Variants in DOCK3 observed in about 807,000 individuals in gnomAD.
The protein encoded by DOCK3 is dedicator of cytokinesis 3.
In DOCK3, 60 loss-of-function variants were observed where a neutral mutation model predicts 265.6. The observed-to-expected ratio is 0.23, with a 90% CI of 0.18 to 0.28. The LOEUF is 0.28. Ranked by LOEUF, DOCK3 falls within the 10% of genes least tolerant of loss-of-function variation. The pLI, the probability that DOCK3 is intolerant of heterozygous loss-of-function variation, is 1.00. For synonymous variants in DOCK3, 881 were observed against 938.0 expected (o/e 0.94, Z 1.11); for missense variants, 1,981 against 2,594.3 (o/e 0.76, Z 5.14).
At chr3:50,880,400 AG>A (rs2047961870) in intron 3 of DOCK3, among the ~76,000 whole-genome samples, 1 of 152,230 alleles carries the variant, frequency 6.6e-6, no homozygotes, top group East Asian at 1.9e-4. Flanking sequence ...AAAGAAGAAA[AG>A]AGAGAAGAAT....
chr3:51,108,609 C>T (rs2083388694), intron 9 of DOCK3, among the ~76,000 whole-genome samples: 1 of 152,170 alleles, frequency 6.6e-6, no homozygotes, highest in South Asian at 2.1e-4. Context: ...GATAAAGAAG[C>T]AAGACCCAGT....
chr3:51,260,612 A>G (rs2079800597), intron 23 of DOCK3, among the ~76,000 whole-genome samples: 2 of 152,124 alleles, frequency 1.3e-5, no homozygotes, highest in Admixed American at 1.3e-4. Context: ...CTACCATACT[A>G]CTTAGTTTTT....
chr3:50,995,143 C>A (rs2078233644), intron 5 of DOCK3, among the ~76,000 whole-genome samples: 1 of 152,158 alleles, frequency 6.6e-6, no homozygotes, highest in Non-Finnish European at 1.5e-5. Flanking sequence ...ACTACTGTTA[C>A]TTTCCCATGT....
intron 32 of DOCK3, among the ~76,000 whole-genome samples, chr3:51,316,990 T>G (rs2083404105): frequency 1.3e-5 from 2 of 152,164 alleles, no homozygotes; most frequent in South Asian, 4.1e-4. Flanking sequence ...GTTTTTCTTT[T>G]ATAGATCATG....
At chr3:51,185,058 T>G (rs2087514635) in intron 12 of DOCK3, among the ~76,000 whole-genome samples, 2 of 152,278 alleles carry the variant, frequency 1.3e-5, no homozygotes, top group Admixed American at 6.5e-5. Flanking sequence ...ATGAGAAAAG[T>G]TTGAGAAACT....
In DOCK3 at chr3:51,228,071, G is replaced by A. The variant is rs913192367; in HGVS notation, c.1630G>A (p.Glu544Lys). The change falls in exon 17 of 53, where the codon GAG (glutamate) becomes AAG (lysine). Residue 544 changes from glutamate to lysine, a missense_variant. Transcript: ENST00000266037. Reference sequence around the variant, plus strand: ...CACCACCCTCTCAGATGATATTCACGAGCTTTATGTGTACAAGGTATGAAG... The same window carrying A: ...CACCACCCTCTCAGATGATATTCACAAGCTTTATGTGTACAAGGTATGAAG... ...DGTTLSDDIH[E>K]LYVYKCDENS... The A allele has an allele frequency of 5.0e-6, 8 of 1,613,828 alleles. No homozygotes were observed. Among genetic ancestry groups the A allele is most frequent in the Admixed American group, 1.7e-5 (1 of 59,994 alleles).
chr3:50,757,753 G>T (rs557115220), intron 1 of DOCK3, among the ~76,000 whole-genome samples: 2 of 152,020 alleles, frequency 1.3e-5, no homozygotes, highest in Non-Finnish European at 2.9e-5. Flanking sequence ...TTACATTTAG[G>T]TTTAAACTTT....
At chr3:51,203,697 G>A (rs1055893288) in intron 12 of DOCK3, among the ~76,000 whole-genome samples, 14 of 152,120 alleles carry the variant, frequency 9.2e-5, no homozygotes, top group Non-Finnish European at 1.9e-4. Flanking sequence ...AAAAGAGCCT[G>A]CATTGCCAAG....
chr3:51,200,402 G>A (rs940847061), intron 12 of DOCK3, among the ~76,000 whole-genome samples: 8 of 136,938 alleles, frequency 5.8e-5, no homozygotes, highest in South Asian at 2.6e-4. Flanking sequence ...CTCAGGAGCC[G>A]ATGCGATCAA....
intron 49 of DOCK3, among the ~76,000 whole-genome samples, chr3:51,371,557 G>A (rs2087679385): frequency 6.6e-6 from 1 of 152,218 alleles, no homozygotes. Context: ...AATAGATGTT[G>A]TAGTAGATAC....
chr3:51,321,671 A>G (rs1178218962), intron 32 of DOCK3, among the ~76,000 whole-genome samples: 1 of 152,168 alleles, frequency 6.6e-6, no homozygotes, highest in Non-Finnish European at 1.5e-5. Context: ...CACGAGAACT[A>G]TATGAAGCAT....
intron 22 of DOCK3, among the ~76,000 whole-genome samples, chr3:51,248,627 G>A (rs948288748): frequency 9.9e-5 from 15 of 152,084 alleles, no homozygotes; most frequent in African/African-American, 2.9e-4. Context: ...CGTCTGGGCA[G>A]TGAGGAGCGT....
chr3:50,918,372 A>G lies in DOCK3; in HGVS notation c.219-15609A>G, dbSNP rs574612693. Among the ~76,000 whole-genome samples, 3 of 152,278 alleles carry G rather than the reference A, an allele frequency of 2.0e-5. No individual in the cohort carries two copies. The South Asian group carries it at 6.2e-4, about 32-fold the overall frequency. On this transcript the variant is annotated intron_variant, in intron 4 of 52. Transcript: ENST00000266037. ...AATGGTTGAATTAGTTTACAGTCCC[A>G]CCAACAGTGTAAGAGTGTTCCTATT...
Position 50,756,094 on chromosome 3 carries a change from C to T in DOCK3, c.38-22581C>T, listed in dbSNP as rs532556378. Among the ~76,000 whole-genome samples, 3 of 152,254 alleles carry T rather than the reference C, an allele frequency of 2.0e-5. No individual in the cohort carries two copies. In the South Asian group the frequency reaches 6.2e-4, roughly 32 times the overall value. ...GGCATGGTTCTGGGGTTTCTGTTTC[C>T]CCTCCCTTGATTTTTTACCTTGGGG... On this transcript the variant is annotated intron_variant, in intron 1 of 52. Coordinates refer to ENST00000266037, the MANE Select transcript of DOCK3 (RefSeq NM_004947.5).
At chr3:50,723,838 T>A (rs757278944) in intron 1 of DOCK3, among the ~76,000 whole-genome samples, 1 of 152,010 alleles carries the variant, frequency 6.6e-6, no homozygotes, top group Non-Finnish European at 1.5e-5. Flanking sequence ...AAAGCCCAAA[T>A]AGACAGATGG....
At chr3:51,042,405 A>T (rs180678021) in intron 5 of DOCK3, among the ~76,000 whole-genome samples, 2 of 152,330 alleles carry the variant, frequency 1.3e-5, no homozygotes, top group East Asian at 3.9e-4. Context: ...AAAAACTGTC[A>T]ATAAACTAGG....
intron 1 of DOCK3, among the ~76,000 whole-genome samples, chr3:50,706,264 T>C (rs1192756954): frequency 6.6e-6 from 1 of 152,236 alleles, no homozygotes; most frequent in Non-Finnish European, 1.5e-5. Context: ...GACTCCCTTA[T>C]GCATTTCTTT....
chr3:51,194,466 T>C (rs11712871), intron 12 of DOCK3, among the ~76,000 whole-genome samples: 138,664 of 152,098 alleles, frequency 0.91, 63,350 homozygotes, highest in African/African-American at 0.95. Flanking sequence ...GTTGATTTTT[T>C]TGTCTAGATT....
At chr3:51,249,804 A>G (rs1344213049) in intron 22 of DOCK3, among the ~76,000 whole-genome samples, 1 of 147,138 alleles carries the variant, frequency 6.8e-6, no homozygotes, top group Non-Finnish European at 1.5e-5. Flanking sequence ...ACGGGCCAGG[A>G]TGACAATGGC....
Sources: gnomAD v4.1 joint callset for allele counts (sites outside exome capture counted in the v4.1 genomes callset) on GRCh38, gnomAD v4.1.1 for gene constraint, MANE v1.5 for transcripts, NCBI Gene and HGNC (gene_info 2026-07-23, HGNC 2026-07-21) for gene names.